The following PTPN4 variants were observed in gnomAD, a reference collection of about 807,000 sequenced individuals.
PTPN4 encodes the protein protein tyrosine phosphatase non-receptor type 4.
Under a neutral mutation model 135.5 loss-of-function variants are expected in PTPN4, and 49 were observed. The ratio of observed to expected loss-of-function variants is 0.36; its 90% CI spans 0.29 to 0.46. The LOEUF (loss-of-function observed/expected upper bound fraction) is 0.46, where lower values mean the gene tolerates loss of function less well. Among genes scored for constraint, PTPN4 ranks in the 20% least tolerant of loss-of-function variants. The pLI, the probability that PTPN4 is intolerant of heterozygous loss-of-function variation, is 1.00. For synonymous variants in PTPN4, 333 were observed against 369.9 expected (o/e 0.90, Z 1.14); for missense variants, 860 against 1,101.0 (o/e 0.78, Z 3.10).
chr2:119,976,897 A>T (rs1679625618), intron 26 of PTPN4, 87 bp from the exon 27 acceptor site: 1 of 1,523,464 alleles, frequency 6.6e-7, no homozygotes, highest in East Asian at 2.4e-5. Context: ...TAAGCAAGCC[A>T]AGTGAGATGT....
At position 119,965,431 on chromosome 2, in the gene PTPN4, T is replaced by A; in HGVS notation, c.2410-66T>A. The A allele has an allele frequency of 2.1e-6, 3 of 1,425,236 alleles. No individual in the cohort carries two copies. In the East Asian group the frequency reaches 7.0e-5, roughly 33 times the overall value. The allele number at this position is 1,425,236 out of a possible 1,614,324, so 88.3% of individuals were successfully genotyped here. A position where few individuals can be genotyped will look rare whatever the true frequency, so the allele number is the denominator to read the frequency against. On this transcript the variant is annotated intron_variant, in intron 24 of 26. Coordinates refer to ENST00000263708, the MANE Select transcript of PTPN4 (RefSeq NM_002830.4). ...CTCCCTTCTTTCCTGATGAATTTTATGAGGTTTGTAGGGACAATTTCAATA... is the reference window on the plus strand; with the variant it reads ...CTCCCTTCTTTCCTGATGAATTTTAAGAGGTTTGTAGGGACAATTTCAATA...
At chr2:119,961,524 G>A (rs1441815305) in intron 23 of PTPN4, among the ~76,000 whole-genome samples, 2 of 152,166 alleles carry the variant, frequency 1.3e-5, no homozygotes, top group African/African-American at 2.4e-5. Flanking sequence ...AGAGTTAAAC[G>A]TCGAGTTGGT....
At chr2:119,926,750 A>G (rs1367645030) in intron 13 of PTPN4, 84 bp downstream of exon 13, 23 of 1,060,616 alleles carry the variant, frequency 2.2e-5, no homozygotes, top group Non-Finnish European at 3.2e-5. Flanking sequence ...TATTTTTTCT[A>G]AAGTTTTTCT....
chr2:119,842,553 A>G (rs1473498620), intron 2 of PTPN4, among the ~76,000 whole-genome samples: 2 of 152,268 alleles, frequency 1.3e-5, no homozygotes, highest in Non-Finnish European at 2.9e-5. Flanking sequence ...TATAGAAAAC[A>G]GAAAAATTCA....
chr2:119,900,710 T>C lies in PTPN4; in HGVS notation c.676-8T>C. 2 of 1,507,584 alleles carry C rather than the reference T, an allele frequency of 1.3e-6. No homozygotes were observed. Among genetic ancestry groups the C allele is most frequent in the Non-Finnish European group, 1.8e-6 (2 of 1,112,980 alleles). The allele number at this position is 1,507,584 out of a possible 1,614,324, so 93.4% of individuals were successfully genotyped here. On this transcript the variant is annotated splice_region_variant and splice_polypyrimidine_tract_variant and intron_variant, in intron 9 of 26. Coordinates refer to ENST00000263708, the MANE Select transcript of PTPN4 (RefSeq NM_002830.4). The stretch of plus-strand genomic sequence containing the variant: ...GATTTATCATGTTTTTATTCATTTT[T>C]TTTGAAGGATCAGAGTAACAATGAA...
intron 15 of PTPN4, among the ~76,000 whole-genome samples, chr2:119,943,600 T>TTA (rs1179115731): frequency 6.9e-6 from 1 of 144,246 alleles, no homozygotes; most frequent in African/African-American, 2.6e-5. Context: ...TTTTTTTTTT[T>TTA]TTTGAGATGG....
At chr2:119,765,955 T>C (rs749346244) in intron 1 of PTPN4, among the ~76,000 whole-genome samples, 5 of 151,716 alleles carry the variant, frequency 3.3e-5, no homozygotes, top group Non-Finnish European at 7.4e-5. Flanking sequence ...TGTGCGTTGA[T>C]TGCAGTGGGA....
At chr2:119,767,948 A>G (rs1690663937) in intron 1 of PTPN4, among the ~76,000 whole-genome samples, 1 of 152,186 alleles carries the variant, frequency 6.6e-6, no homozygotes, top group African/African-American at 2.4e-5. Flanking sequence ...GGAGTGTGTC[A>G]ATAGAGCTGA....
At chr2:119,877,246 A>G in intron 3 of PTPN4, 77 bp from the exon 4 acceptor site, 2 of 1,489,246 alleles carry the variant, frequency 1.3e-6, no homozygotes, top group Non-Finnish European at 1.8e-6. Context: ...TAATCTCCAA[A>G]TGGAACAGAT....
chr2:119,893,898 G>C (rs557304282), intron 9 of PTPN4, among the ~76,000 whole-genome samples: 1 of 149,632 alleles, frequency 6.7e-6, no homozygotes, highest in Admixed American at 6.6e-5. Context: ...AGTGATGAGA[G>C]AATATGAAAA....
chr2:119,784,286 T>C (rs1251830448), intron 1 of PTPN4, among the ~76,000 whole-genome samples: 1 of 151,152 alleles, frequency 6.6e-6, no homozygotes, highest in East Asian at 1.9e-4. Flanking sequence ...TTTTTTTTTT[T>C]TTTTTTGAGA....
At chr2:119,859,581 G>C (rs1331455253) in intron 2 of PTPN4, among the ~76,000 whole-genome samples, 1 of 152,154 alleles carries the variant, frequency 6.6e-6, no homozygotes, top group Non-Finnish European at 1.5e-5. Flanking sequence ...ACAGCTATGT[G>C]ATGATAGCAG....
intron 2 of PTPN4, 36 bp from the exon 3 acceptor site, chr2:119,862,500 A>G (rs777381859): frequency 5.7e-5 from 88 of 1,547,486 alleles, no homozygotes; most frequent in South Asian, 3.3e-4. Context: ...TAACCTATCA[A>G]AGTTGATTTC....
intron 1 of PTPN4, among the ~76,000 whole-genome samples, chr2:119,808,933 C>T (rs1691530807): frequency 6.6e-6 from 1 of 152,112 alleles, no homozygotes; most frequent in African/African-American, 2.4e-5. Context: ...ACTCATTGTT[C>T]ATACTGCTTA....
In PTPN4 at chr2:119,982,042, T is replaced by C. The variant is rs1364105680; in HGVS notation, c.*4972T>C. The C allele has an allele frequency of 3.3e-5, 5 of 152,218 alleles. No homozygotes were observed. Among genetic ancestry groups the C allele is most frequent in the African/African-American group, 4.8e-5 (2 of 41,474 alleles). The allele number at this position is 152,218 out of a possible 1,614,324, so 9.4% of individuals were successfully genotyped here. A position where few individuals can be genotyped will look rare whatever the true frequency, so the allele number is the denominator to read the frequency against. On this transcript the variant is annotated 3_prime_UTR_variant, in exon 27 of 27. Transcript: ENST00000263708. ...GTAAACCAGTTTAAAAAAATTTTAC[T>C]AAGCAAAAGGTAGTAGCAATATTGC...
chr2:119,873,048 T>C (rs1338893872), intron 3 of PTPN4, among the ~76,000 whole-genome samples: 1 of 152,178 alleles, frequency 6.6e-6, no homozygotes, highest in African/African-American at 2.4e-5. Context: ...GAGTGCAGTG[T>C]GCAGTGGTGC....
intron 2 of PTPN4, among the ~76,000 whole-genome samples, chr2:119,813,298 A>G (rs1361833263): frequency 6.7e-6 from 1 of 149,860 alleles, no homozygotes; most frequent in African/African-American, 2.5e-5. Context: ...CCCAGGCTGG[A>G]GTACAATGGC....
At chr2:119,924,579 A>G (rs1341405495) in intron 12 of PTPN4, among the ~76,000 whole-genome samples, 2 of 152,172 alleles carry the variant, frequency 1.3e-5, no homozygotes, top group African/African-American at 4.8e-5. Flanking sequence ...TCATTGCTCA[A>G]AAGATAAGTA....
intron 2 of PTPN4, among the ~76,000 whole-genome samples, chr2:119,824,880 G>T (rs1677124607): frequency 6.6e-6 from 1 of 152,090 alleles, no homozygotes; most frequent in Non-Finnish European, 1.5e-5. Context: ...TAGAGACAGG[G>T]TTTCACCATG....
Sources: gnomAD v4.1 joint callset for allele counts (sites outside exome capture counted in the v4.1 genomes callset) on GRCh38, gnomAD v4.1.1 for gene constraint, MANE v1.5 for transcripts, NCBI Gene and HGNC (gene_info 2026-07-23, HGNC 2026-07-21) for gene names.